The following EDN1 variants were observed in gnomAD, a reference collection of about 807,000 sequenced individuals.
EDN1 encodes endothelin-1.
Under a neutral mutation model 21.7 loss-of-function variants are expected in EDN1, and 11 were observed. The ratio of observed to expected loss-of-function variants is 0.51; its 90% CI spans 0.32 to 0.84. The LOEUF (loss-of-function observed/expected upper bound fraction) is 0.84, where lower values mean the gene tolerates loss of function less well. Among genes scored for constraint, EDN1 ranks in the 40% least tolerant of loss-of-function variants. The pLI, the probability that EDN1 is intolerant of heterozygous loss-of-function variation, is 0.03. For missense variants in EDN1, 244 were observed against 262.3 expected, an observed-to-expected ratio of 0.93 and a Z score of 0.48; for synonymous variants, 85 against 90.6, an observed-to-expected ratio of 0.94 and a Z score of 0.35.
At chr6:12,278,887 A>G in the EDN1 span, among the ~76,000 whole-genome samples, 13 of 152,176 alleles carry the variant, frequency 8.5e-5, no homozygotes, top group Non-Finnish European at 1.6e-4. Flanking sequence ...ACAGAGCGAG[A>G]TTCCGTAAAA....
chr6:12,275,631 TAAC>T, the EDN1 span, among the ~76,000 whole-genome samples: 1 of 152,316 alleles, frequency 6.6e-6, no homozygotes, highest in South Asian at 2.1e-4. Context: ...ACTTTCTTCT[TAAC>T]AAGATCTGGG....
Position 12,292,446 on chromosome 6 carries a change from C to T in EDN1, c.170C>T (p.Ser57Phe). Residue 57 changes from serine (S) to phenylalanine (F), a missense_variant, in exon 2 of 5, where the codon TCC (serine) becomes TTC (phenylalanine). Ser to Phe is a radical substitution (Grantham distance 155). Transcript: ENST00000379375. ...LRRSKRCSCS[S>F]LMDKECVYFC... The stretch of plus-strand genomic sequence containing the variant: ...CGGTCCAAGCGCTGCTCCTGCTCGT[C>T]CCTGATGGATAAAGAGTGTGTCTAC... 1 of 1,614,252 alleles carries T rather than the reference C, an allele frequency of 6.2e-7. No individual in the cohort carries two copies. The highest frequency in any genetic ancestry group is 8.5e-7 in the Non-Finnish European group (1 of 1,180,048).
At chr6:12,283,738 A>T in the EDN1 span, among the ~76,000 whole-genome samples, 1 of 152,204 alleles carries the variant, frequency 6.6e-6, no homozygotes, top group Non-Finnish European at 1.5e-5. Context: ...TTAACCACAC[A>T]TGTTGTCTAC....
chr6:12,275,247 A>C, the EDN1 span, among the ~76,000 whole-genome samples: 1 of 152,098 alleles, frequency 6.6e-6, no homozygotes, highest in Admixed American at 6.5e-5. Flanking sequence ...CCTCATAGAC[A>C]TGCTTCCTTG....
chr6:12,291,597 G>A (rs939018165), intron 1 of EDN1, among the ~76,000 whole-genome samples: 5 of 152,202 alleles, frequency 3.3e-5, no homozygotes, highest in Middle Eastern at 3.2e-3. Context: ...AGGAGGAAGA[G>A]GCAAGGCAGT....
the EDN1 span, among the ~76,000 whole-genome samples, chr6:12,254,758 A>G: frequency 6.6e-6 from 1 of 152,186 alleles, no homozygotes; most frequent in African/African-American, 2.4e-5. Context: ...AGCATTTTAT[A>G]TATAATCAAG....
At chr6:12,269,237 T>A in the EDN1 span, among the ~76,000 whole-genome samples, 1 of 152,044 alleles carries the variant, frequency 6.6e-6, no homozygotes, top group Non-Finnish European at 1.5e-5. Flanking sequence ...TTGGATAGAG[T>A]CTTTAGGTTT....
intron 2 of EDN1, among the ~76,000 whole-genome samples, chr6:12,293,021 C>T (rs886776419): frequency 4.6e-5 from 7 of 152,158 alleles, no homozygotes; most frequent in Admixed American, 1.3e-4. Context: ...AACTGGAGCC[C>T]GGATTTCCTT....
chr6:12,290,792 T>C (rs1009427993), intron 1 of EDN1, 99 bp downstream of exon 1: 3 of 1,050,628 alleles, frequency 2.9e-6, no homozygotes, highest in Middle Eastern at 2.0e-4. Flanking sequence ...CCGTTCTTTT[T>C]ATGACTGCAG....
At chr6:12,276,161 CAAAAAAAAAA>C in the EDN1 span, among the ~76,000 whole-genome samples, 5 of 68,620 alleles carry the variant, frequency 7.3e-5, no homozygotes, top group Admixed American at 8.0e-4. Flanking sequence ...GACTCCATCT[CAAAAAAAAAA>C]AAAAAAAAAA....
chr6:12,231,421 G>A, the EDN1 span, among the ~76,000 whole-genome samples: 1 of 152,236 alleles, frequency 6.6e-6, no homozygotes, highest in Non-Finnish European at 1.5e-5. Flanking sequence ...CATATGGAGT[G>A]AAATCCATTC....
chr6:12,257,846 C>T, the EDN1 span, among the ~76,000 whole-genome samples: 1 of 152,096 alleles, frequency 6.6e-6, no homozygotes, highest in African/African-American at 2.4e-5. Context: ...AAAATAAAGC[C>T]TCAATATTGT....
At chr6:12,241,140 C>CT in the EDN1 span, among the ~76,000 whole-genome samples, 1 of 149,716 alleles carries the variant, frequency 6.7e-6, no homozygotes, top group African/African-American at 2.4e-5. Context: ...TTAGGATGCA[C>CT]TTTTTTTTCT....
At chr6:12,254,437 A>G in the EDN1 span, among the ~76,000 whole-genome samples, 2 of 152,084 alleles carry the variant, frequency 1.3e-5, no homozygotes, top group South Asian at 2.1e-4. Flanking sequence ...AACTTCCCCT[A>G]TCATAGTACC....
rs1762821375 is a variant in EDN1 at position 12,296,214 on chromosome 6, T to C, written c.*147T>C. On this transcript the variant is annotated 3_prime_UTR_variant, in exon 5 of 5. Coordinates refer to ENST00000379375, the MANE Select transcript of EDN1 (RefSeq NM_001955.5). ...GGACCAGCGTCCTCGTTCAAAACAT[T>C]CCAAGAAAGGTTAAGGAGTTCCCCC... 1 of 741,872 alleles carries C rather than the reference T, an allele frequency of 1.3e-6. No homozygotes were observed. Among genetic ancestry groups the C allele is most frequent in the Non-Finnish European group, 2.4e-6 (1 of 419,112 alleles). The allele number at this position is 741,872 out of a possible 1,614,324, so 46.0% of individuals were successfully genotyped here. A position where few individuals can be genotyped will look rare whatever the true frequency, so the allele number is the denominator to read the frequency against.
chr6:12,274,087 G>A, the EDN1 span, among the ~76,000 whole-genome samples: 19 of 152,304 alleles, frequency 1.2e-4, no homozygotes, highest in South Asian at 3.7e-3. Flanking sequence ...TCAGAGCAGA[G>A]CAGGTATCTG....
intron 2 of EDN1, 48 bp downstream of exon 2, chr6:12,292,557 C>A: frequency 1.2e-6 from 2 of 1,608,984 alleles, no homozygotes; most frequent in Non-Finnish European, 1.7e-6. Context: ...TTAGCGCTGG[C>A]TCCACTGGAG....
chr6:12,294,007 A>G lies in EDN1; in HGVS notation c.300A>G (p.Thr100=), dbSNP rs1341903721. ...SKRALENLLP[T]KATDRENRCQ... ...GAGCCTTGGAGAATTTACTTCCCAC[A>G]AAGGCAACAGACCGTGAAAATAGAT... Residue 100 remains threonine, a synonymous_variant, in exon 3 of 5, where the codon ACA becomes ACG. Transcript: ENST00000379375. 2 of 1,614,252 alleles carry G rather than the reference A, an allele frequency of 1.2e-6. No homozygotes were observed. The highest frequency in any genetic ancestry group is 1.7e-6 in the Non-Finnish European group (2 of 1,180,046).
the EDN1 span, among the ~76,000 whole-genome samples, chr6:12,277,903 C>T: frequency 6.6e-6 from 1 of 152,172 alleles, no homozygotes; most frequent in Admixed American, 6.5e-5. Context: ...CTCCAGAACC[C>T]CTTTGGGATT....
Sources: allele counts gnomAD v4.1 joint callset (sites outside exome capture counted in the v4.1 genomes callset), GRCh38; gene constraint gnomAD v4.1.1; transcripts MANE v1.5; gene names NCBI Gene and HGNC (gene_info 2026-07-23, HGNC 2026-07-21).